RSU1: variants seen among roughly 807,000 people sequenced by gnomAD.
The protein encoded by RSU1 is rsu-1.
Under a neutral mutation model 31.1 loss-of-function variants are expected in RSU1, and 26 were observed. The observed-to-expected ratio is 0.84, with a 90% confidence interval of 0.61 to 1.16. The LOEUF is 1.16. Among genes scored for constraint, RSU1 ranks in the 50% most tolerant of loss-of-function variants. The pLI, the probability that RSU1 is intolerant of heterozygous loss-of-function variation, is 0.00. For missense variants in RSU1, 320 were observed against 339.1 expected (o/e 0.94, Z 0.44); for synonymous variants, 164 against 136.3 (o/e 1.20, Z -1.41).
rs868567035 is a variant in RSU1 at position 16,690,718 on chromosome 10, G to C, written c.731+4305C>G. On this transcript the variant is annotated intron_variant, in intron 8 of 8. Transcript: ENST00000345264. ...AACTTGAGGACGTGCTCTGAGGAAG[G>C]TCACTGTGAACGCCGATCATAGACA... Among the ~76,000 whole-genome samples the C allele has an allele frequency of 2.6e-5, 4 of 152,258 alleles. No homozygotes were observed. The Middle Eastern group carries it at 0.014, about 518-fold the overall frequency.
chr10:16,765,725 C>A (rs1837300332), intron 3 of RSU1, among the ~76,000 whole-genome samples: 1 of 152,172 alleles, frequency 6.6e-6, no homozygotes, highest in African/African-American at 2.4e-5. Flanking sequence ...TAACTAAGAA[C>A]ATGAACAGGG....
chr10:16,679,644 C>A (rs1020243910), intron 8 of RSU1, among the ~76,000 whole-genome samples: 1 of 152,074 alleles, frequency 6.6e-6, no homozygotes, highest in Admixed American at 6.6e-5. Context: ...CACACGTGGA[C>A]GTGAGGTGGA....
At chr10:16,717,850 T>C (rs1836174723) in intron 7 of RSU1, among the ~76,000 whole-genome samples, 1 of 152,216 alleles carries the variant, frequency 6.6e-6, no homozygotes, top group South Asian at 2.1e-4. Context: ...AAAAACGCAT[T>C]ACTATAAATA....
chr10:16,726,451 G>C (rs1355197086), intron 7 of RSU1, among the ~76,000 whole-genome samples: 1 of 151,896 alleles, frequency 6.6e-6, no homozygotes, highest in East Asian at 1.9e-4. Context: ...GTTTTTAGTA[G>C]AGACGGGGTT....
rs542081165 is a variant in RSU1 at position 16,809,999 on chromosome 10, G to A, written c.109+6974C>T. Among the ~76,000 whole-genome samples, 262 of 149,914 alleles carry A rather than the reference G, an allele frequency of 1.7e-3. 10 individuals are homozygous for A. Among genetic ancestry groups the A allele is most frequent in the South Asian group, 8.7e-3 (40 of 4,610 alleles). Reference sequence around the variant, plus strand: ...AATTTGGGAGGCCGGGGGTGGGGGGGGGAGGTGAATCACCTGAGGTCAGGA... The same window carrying A: ...AATTTGGGAGGCCGGGGGTGGGGGGAGGAGGTGAATCACCTGAGGTCAGGA... On this transcript the variant is annotated intron_variant, in intron 2 of 8. Coordinates refer to ENST00000345264, the MANE Select transcript of RSU1 (RefSeq NM_012425.4).
At chr10:16,756,164 G>C (rs1193233108) in intron 4 of RSU1, among the ~76,000 whole-genome samples, 6 of 152,064 alleles carry the variant, frequency 3.9e-5, no homozygotes, top group South Asian at 2.1e-4. Context: ...AATTAGAATG[G>C]TGATGGCCAG....
chr10:16,636,612 C>T (rs752289818), intron 8 of RSU1, among the ~76,000 whole-genome samples: 11 of 152,122 alleles, frequency 7.2e-5, no homozygotes, highest in Non-Finnish European at 1.3e-4. Flanking sequence ...GCTTAAAACC[C>T]ACCCAGGCTT....
rs1410985766 is a variant in RSU1 at position 16,764,437 on chromosome 10, C to T, written c.234G>A (p.Leu78=). 2 of 1,614,056 alleles carry T rather than the reference C, an allele frequency of 1.2e-6. No homozygotes were observed. The highest frequency in any genetic ancestry group is 1.7e-6 in the Non-Finnish European group (2 of 1,179,988). Residue 78 remains leucine, a synonymous_variant, in exon 4 of 9, where the codon CTG becomes CTA. Transcript: ENST00000345264. ...LNFFNNQIEE[L]PTQISSLQKL... is the part of the protein sequence containing the mutation. The stretch of plus-strand genomic sequence containing the variant: ...TCTGAAGGCTACTGATCTGTGTGGG[C>T]AGCTCCTCGATTTGGTTATTAAAAA...
chr10:16,790,529 T>C (rs891134082), intron 2 of RSU1, among the ~76,000 whole-genome samples: 2 of 152,036 alleles, frequency 1.3e-5, no homozygotes, highest in Admixed American at 6.5e-5. Context: ...GGGTAGAGAG[T>C]ACACCATGCA....
intron 8 of RSU1, among the ~76,000 whole-genome samples, chr10:16,660,568 T>A (rs73603119): frequency 0.022 from 3,305 of 152,064 alleles, 127 homozygotes; most frequent in African/African-American, 0.075. Flanking sequence ...ACTCTCTCTT[T>A]ACTGTTTTTC....
intron 7 of RSU1, among the ~76,000 whole-genome samples, chr10:16,698,756 T>A (rs1208871250): frequency 1.3e-5 from 2 of 151,964 alleles, no homozygotes; most frequent in African/African-American, 4.8e-5. Context: ...GGAAAAGGAG[T>A]CACACGCTGA....
chr10:16,734,095 T>C (rs1250541687), intron 7 of RSU1, among the ~76,000 whole-genome samples: 2 of 152,208 alleles, frequency 1.3e-5, no homozygotes, highest in Non-Finnish European at 2.9e-5. Context: ...ACAGATTTAG[T>C]GTTTCATTGG....
At chr10:16,694,912 C>T in intron 8 of RSU1, 111 bp downstream of exon 8, 1 of 990,748 alleles carries the variant, frequency 1.0e-6, no homozygotes, top group East Asian at 2.6e-5. Flanking sequence ...TCTTAAAATG[C>T]TAAGTGCTAA....
chr10:16,688,566 G>A (rs895217334), intron 8 of RSU1, among the ~76,000 whole-genome samples: 1 of 152,124 alleles, frequency 6.6e-6, no homozygotes, highest in African/African-American at 2.4e-5. Context: ...CCCAGATCAC[G>A]CCACTGCAGT....
chr10:16,668,688 A>G (rs1044070546), intron 8 of RSU1, among the ~76,000 whole-genome samples: 13 of 151,994 alleles, frequency 8.6e-5, no homozygotes, highest in Non-Finnish European at 1.5e-5. Flanking sequence ...GAGCATTCCT[A>G]TTTTGTCTCC....
chr10:16,680,696 C>T (rs1190197648), intron 8 of RSU1, among the ~76,000 whole-genome samples: 2 of 152,168 alleles, frequency 1.3e-5, no homozygotes, highest in South Asian at 4.1e-4. Flanking sequence ...CACTCATCAC[C>T]AAGAGGACGG....
chr10:16,628,053 A>G (rs55726762), intron 8 of RSU1, among the ~76,000 whole-genome samples: 2,628 of 152,292 alleles, frequency 0.017, 71 homozygotes, highest in African/African-American at 0.06. Flanking sequence ...CAGAAGGGAG[A>G]GAGATTTTTC....
chr10:16,715,227 C>G (rs1218405234), intron 7 of RSU1, among the ~76,000 whole-genome samples: 1 of 152,196 alleles, frequency 6.6e-6, no homozygotes, highest in African/African-American at 2.4e-5. Context: ...CACTAGGCAA[C>G]TCTCATTGGC....
intron 8 of RSU1, among the ~76,000 whole-genome samples, chr10:16,599,741 A>G (rs1172489231): frequency 1.3e-5 from 2 of 152,262 alleles, no homozygotes; most frequent in African/African-American, 2.4e-5. Flanking sequence ...TCTCTGACGC[A>G]GGCTACCAGG....
Sources: gnomAD v4.1 joint callset for allele counts (sites outside exome capture counted in the v4.1 genomes callset) on GRCh38, gnomAD v4.1.1 for gene constraint, MANE v1.5 for transcripts, NCBI Gene and HGNC (gene_info 2026-07-23, HGNC 2026-07-21) for gene names.